Variants in CNTN5 observed in about 807,000 individuals in gnomAD.
CNTN5 encodes contactin 5.
CNTN5 carries 77 observed loss-of-function variants against 129.1 expected under a neutral mutation model. The ratio of observed to expected loss-of-function variants is 0.60; its 90% CI spans 0.50 to 0.72. CNTN5 has a LOEUF of 0.72. Among genes scored for constraint, CNTN5 ranks in the 30% least tolerant of loss-of-function variants. The pLI, the probability that CNTN5 is intolerant of heterozygous loss-of-function variation, is 0.00. For synonymous variants in CNTN5, 509 were observed against 465.6 expected (o/e 1.09, Z -1.20); for missense variants, 1,478 against 1,328.8 (o/e 1.11, Z -1.75).
Position 100,155,220 on chromosome 11 carries a change from G to A in CNTN5, c.1581-35906G>A, listed in dbSNP as rs577692007. Among the ~76,000 whole-genome samples the A allele has an allele frequency of 5.9e-5, 9 of 152,258 alleles. No homozygotes were observed. The East Asian group carries it at 1.7e-3, about 29-fold the overall frequency. On this transcript the variant is annotated intron_variant, in intron 13 of 24. Coordinates refer to ENST00000524871, the MANE Select transcript of CNTN5 (RefSeq NM_014361.4). Reference sequence around the variant, plus strand: ...GTATAAGGTGTAAGGAAGGGGTCCAGTTTTAGTTTTCTGCATATGGCTATC... The same window carrying A: ...GTATAAGGTGTAAGGAAGGGGTCCAATTTTAGTTTTCTGCATATGGCTATC...
chr11:100,262,797 G>C (rs1013671372), intron 17 of CNTN5, among the ~76,000 whole-genome samples: 1 of 152,054 alleles, frequency 6.6e-6, no homozygotes, highest in Non-Finnish European at 1.5e-5. Context: ...CAGGGAGTGG[G>C]GTCCTAGGGG....
At chr11:99,904,844 T>C (rs1335178341) in intron 6 of CNTN5, among the ~76,000 whole-genome samples, 1 of 152,222 alleles carries the variant, frequency 6.6e-6, no homozygotes, top group Non-Finnish European at 1.5e-5. Context: ...CTAAATGGCA[T>C]GAGATGGTAT....
chr11:99,391,463 T>A (rs1221061223), intron 2 of CNTN5, among the ~76,000 whole-genome samples: 3 of 152,156 alleles, frequency 2.0e-5, no homozygotes, highest in South Asian at 2.1e-4. Context: ...GTCTTGCTGC[T>A]GTCATATAGT....
chr11:100,006,689 T>C (rs1940214299), intron 9 of CNTN5, among the ~76,000 whole-genome samples: 1 of 152,096 alleles, frequency 6.6e-6, no homozygotes, highest in African/African-American at 2.4e-5. Flanking sequence ...CCCTCCAAGT[T>C]ATCCATGAGG....
intron 9 of CNTN5, among the ~76,000 whole-genome samples, chr11:100,041,146 CT>C (rs924021366): frequency 6.6e-6 from 1 of 152,124 alleles, no homozygotes; most frequent in Non-Finnish European, 1.5e-5. Context: ...TAAATACACT[CT>C]TTTTCTCTCA....
intron 1 of CNTN5, among the ~76,000 whole-genome samples, chr11:99,312,089 T>C (rs11219325): frequency 0.051 from 7,837 of 152,230 alleles, 653 homozygotes; most frequent in African/African-American, 0.18. Flanking sequence ...TCACGTGATA[T>C]GAAATATCAG....
chr11:99,247,374 T>C (rs1348958939), intron 1 of CNTN5, among the ~76,000 whole-genome samples: 1 of 152,142 alleles, frequency 6.6e-6, no homozygotes, highest in Non-Finnish European at 1.5e-5. Context: ...ATGTACCATA[T>C]ACACAGACTT....
chr11:99,045,500 G>C (rs1321209474), intron 1 of CNTN5, among the ~76,000 whole-genome samples: 1 of 152,158 alleles, frequency 6.6e-6, no homozygotes, highest in East Asian at 1.9e-4. Flanking sequence ...AGTTGTATCT[G>C]TATGTACAAA....
chr11:100,297,439 A>G (rs1478940843), intron 18 of CNTN5, among the ~76,000 whole-genome samples, 186 bp from the exon 19 acceptor site: 1 of 150,902 alleles, frequency 6.6e-6, no homozygotes, highest in African/African-American at 2.4e-5. Context: ...AGTGGTCATG[A>G]AAAAAAAAGT....
intron 2 of CNTN5, among the ~76,000 whole-genome samples, chr11:99,356,074 C>T (rs1938642272): frequency 6.6e-6 from 1 of 152,020 alleles, no homozygotes; most frequent in Non-Finnish European, 1.5e-5. Context: ...GATCTACCTG[C>T]CTCAGCCTCC....
At chr11:99,432,652 G>T (rs953655373) in intron 2 of CNTN5, among the ~76,000 whole-genome samples, 1 of 151,878 alleles carries the variant, frequency 6.6e-6, no homozygotes, top group African/African-American at 2.4e-5. Context: ...AGAGCGAAAA[G>T]CTGCTAGGGT....
At chr11:99,355,829 T>G (rs994415863) in intron 2 of CNTN5, among the ~76,000 whole-genome samples, 5 of 150,132 alleles carry the variant, frequency 3.3e-5, no homozygotes, top group Non-Finnish European at 4.4e-5. Flanking sequence ...TTGTTTTTTT[T>G]TTTTTTGTTT....
At position 100,161,830 on chromosome 11, in the gene CNTN5, T is replaced by TACACATACACACACACAC. The variant is rs59930760; in HGVS notation, c.1581-29291_1581-29290insTACACACACACACACACA. Reference sequence around the variant, plus strand: ...TCTCAAGGATAGCCCTGGAGCTTCCTACACACACACACACACACACACACA... The same window carrying TACACATACACACACACAC: ...TCTCAAGGATAGCCCTGGAGCTTCCTACACATACACACACACACACACACACACACACACACACACACA... On this transcript the variant is annotated intron_variant, in intron 13 of 24. Coordinates refer to ENST00000524871, the MANE Select transcript of CNTN5 (RefSeq NM_014361.4). Among the ~76,000 whole-genome samples, 382 of 125,870 alleles carry TACACATACACACACACAC rather than the reference T, an allele frequency of 3.0e-3. 3 individuals are homozygous for TACACATACACACACACAC. The highest frequency in any genetic ancestry group is 0.012 in the Middle Eastern group (3 of 248). The allele number at this position is 125,870 out of a possible 152,430, so 82.6% of individuals were successfully genotyped here. A position where few individuals can be genotyped will look rare whatever the true frequency, so the allele number is the denominator to read the frequency against.
intron 2 of CNTN5, among the ~76,000 whole-genome samples, chr11:99,370,232 A>G (rs561962017): frequency 6.6e-6 from 1 of 152,286 alleles, no homozygotes; most frequent in Admixed American, 6.5e-5. Context: ...CTTGGTATCA[A>G]TTTTCCTGTA....
chr11:99,671,344 T>C (rs1953035624), intron 3 of CNTN5, among the ~76,000 whole-genome samples: 1 of 152,124 alleles, frequency 6.6e-6, no homozygotes, highest in African/African-American at 2.4e-5. Flanking sequence ...AAAGAATAAT[T>C]AGTGATTTTA....
chr11:100,001,087 TA>T (rs1398922295), intron 8 of CNTN5, among the ~76,000 whole-genome samples: 3 of 152,194 alleles, frequency 2.0e-5, no homozygotes, highest in Admixed American at 6.5e-5. Flanking sequence ...TCTTCACTAT[TA>T]ACACTCAGCT....
chr11:99,083,805 A>T (rs913625066), intron 1 of CNTN5, among the ~76,000 whole-genome samples: 2 of 152,166 alleles, frequency 1.3e-5, no homozygotes, highest in Non-Finnish European at 2.9e-5. Flanking sequence ...TAAGTCACTC[A>T]TCTTGATTCC....
At chr11:99,023,847 T>C (rs1229569781) in intron 1 of CNTN5, among the ~76,000 whole-genome samples, 1 of 152,206 alleles carries the variant, frequency 6.6e-6, no homozygotes, top group Non-Finnish European at 1.5e-5. Context: ...TACATTCATG[T>C]AGTTTGTTTT....
intron 2 of CNTN5, among the ~76,000 whole-genome samples, chr11:99,382,845 C>CTTTTTTT (rs1163660333): frequency 0.023 from 1,769 of 76,898 alleles, 511 homozygotes; most frequent in African/African-American, 0.085. Flanking sequence ...CTCTAAATAA[C>CTTTTTTT]TTTTTTTTTT....
Sources: gnomAD v4.1 joint callset for allele counts (sites outside exome capture counted in the v4.1 genomes callset) on GRCh38, gnomAD v4.1.1 for gene constraint, MANE v1.5 for transcripts, NCBI Gene and HGNC (gene_info 2026-07-23, HGNC 2026-07-21) for gene names.